LGALS2: variants seen among roughly 807,000 people sequenced by gnomAD.
The protein encoded by LGALS2 is galectin-2.
A neutral mutation model predicts 10.1 loss-of-function variants in LGALS2; 7 were observed. The observed-to-expected ratio is 0.70, with a 90% CI of 0.40 to 1.31. The LOEUF is 1.31. Ranked by LOEUF, LGALS2 falls within the 50% of genes most tolerant of loss-of-function variation. The pLI, the probability that LGALS2 is intolerant of heterozygous loss-of-function variation, is 0.01. For missense variants in LGALS2, 167 were observed against 163.6 expected, an observed-to-expected ratio of 1.02 and a Z score of -0.11; for synonymous variants, 86 against 64.2, an observed-to-expected ratio of 1.34 and a Z score of -1.63.
At chr22:37,575,727 T>G (rs983885772) in intron 1 of LGALS2, among the ~76,000 whole-genome samples, 1 of 152,056 alleles carries the variant, frequency 6.6e-6, no homozygotes, top group Non-Finnish European at 1.5e-5. Flanking sequence ...AGTGTTGGGA[T>G]TACAGGTGTA....
At chr22:37,576,880 C>A (rs1172909386) in intron 1 of LGALS2, among the ~76,000 whole-genome samples, 1 of 151,868 alleles carries the variant, frequency 6.6e-6, no homozygotes, top group African/African-American at 2.4e-5. Flanking sequence ...AATAGGGATG[C>A]TGAGAGCTGC....
chr22:37,570,622 T>G lies in LGALS2; in HGVS notation c.203A>C (p.Glu68Ala). ...NSLDGSNWGQ[E>A]QREDHLCFSP... Reference sequence around the variant, plus strand: ...GAAGCACAGGTGATCTTCCCGTTGTTCTTGCCCCCAGTTGCTGCCGTCCAA... The same window carrying G: ...GAAGCACAGGTGATCTTCCCGTTGTGCTTGCCCCCAGTTGCTGCCGTCCAA... The change falls in exon 3 of 4, where the codon GAA (glutamate) becomes GCA (alanine). Residue 68 changes from glutamate to alanine, a missense_variant. Glu to Ala is a moderately radical substitution (Grantham distance 107). Transcript: ENST00000215886. 1 of 1,614,242 alleles carries G rather than the reference T, an allele frequency of 6.2e-7. No individual in the cohort carries two copies. Among genetic ancestry groups the G allele is most frequent in the South Asian group, 1.1e-5 (1 of 91,090 alleles).
chr22:37,576,383 C>T (rs1006705757), intron 1 of LGALS2, among the ~76,000 whole-genome samples: 5 of 145,350 alleles, frequency 3.4e-5, no homozygotes, highest in South Asian at 4.3e-4. Flanking sequence ...ACCCGGGAGG[C>T]GGTGCTTGCA....
intron 1 of LGALS2, among the ~76,000 whole-genome samples, chr22:37,576,451 CAAAAAAAAA>C (rs55951617): frequency 1.2e-3 from 128 of 108,272 alleles, no homozygotes; most frequent in Middle Eastern, 4.6e-3. Context: ...GACTCCGTCT[CAAAAAAAAA>C]AAAAAAAAAA....
At chr22:37,577,258 G>A (rs186995905) in intron 1 of LGALS2, among the ~76,000 whole-genome samples, 10 of 152,114 alleles carry the variant, frequency 6.6e-5, no homozygotes, top group Admixed American at 5.2e-4. Flanking sequence ...ACCCTTCCAC[G>A]CAGGACCCCT....
At chr22:37,574,420 G>T (rs1342795969) in intron 1 of LGALS2, among the ~76,000 whole-genome samples, 1 of 150,976 alleles carries the variant, frequency 6.6e-6, no homozygotes, top group Admixed American at 6.6e-5. Flanking sequence ...GGAGGCTGAG[G>T]CAAGAGAATC....
intron 1 of LGALS2, among the ~76,000 whole-genome samples, chr22:37,573,729 TG>T (rs1370535828): frequency 4.3e-5 from 4 of 93,022 alleles, no homozygotes; most frequent in Admixed American, 2.1e-4. Flanking sequence ...TTTCTTTTTT[TG>T]TTTTTTTTTT....
intron 2 of LGALS2, among the ~76,000 whole-genome samples, chr22:37,571,297 C>T (rs985710273): frequency 7.2e-5 from 11 of 152,168 alleles, no homozygotes; most frequent in African/African-American, 2.4e-4. Context: ...TGCACCTGCC[C>T]GCCCCCTCTC....
chr22:37,575,445 G>A (rs983943197), intron 1 of LGALS2, among the ~76,000 whole-genome samples: 10 of 151,788 alleles, frequency 6.6e-5, no homozygotes, highest in Admixed American at 6.6e-4. Flanking sequence ...TGACCCTCAA[G>A]TGGTCCTCCT....
intron 1 of LGALS2, among the ~76,000 whole-genome samples, chr22:37,579,122 C>CCTGTAAT: frequency 6.7e-6 from 1 of 148,906 alleles, no homozygotes; most frequent in African/African-American, 2.5e-5. Flanking sequence ...GTGACACATA[C>CCTGTAAT]CTGTAATCCC....
In LGALS2 at chr22:37,570,846, T is replaced by C. The variant is rs55907306; in HGVS notation, c.90-111A>G. The stretch of plus-strand genomic sequence containing the variant: ...CTGGAAGAATCAAAGCTTGTGTTAG[T>C]TGAGATCTGTGCCTTAAAACAAGGG... On this transcript the variant is annotated intron_variant, in intron 2 of 3. Coordinates refer to ENST00000215886, the MANE Select transcript of LGALS2 (RefSeq NM_006498.3). 4.5e-3 allele frequency: 5,462 copies of C among 1,212,752 alleles called. 18 individuals carry two copies. Among genetic ancestry groups the C allele is most frequent in the Non-Finnish European group, 5.8e-3 (4,839 of 830,764 alleles). The allele number at this position is 1,212,752 out of a possible 1,614,324, so 75.1% of individuals were successfully genotyped here. A position where few individuals can be genotyped will look rare whatever the true frequency, so the allele number is the denominator to read the frequency against.
intron 1 of LGALS2, among the ~76,000 whole-genome samples, chr22:37,576,406 G>C (rs1214234640): frequency 3.4e-5 from 5 of 148,918 alleles, no homozygotes; most frequent in Non-Finnish European, 5.9e-5. Flanking sequence ...GAGCCAAGAT[G>C]GCGCCACTGC....
chr22:37,576,178 G>A (rs1236755545), intron 1 of LGALS2, among the ~76,000 whole-genome samples: 1 of 152,004 alleles, frequency 6.6e-6, no homozygotes, highest in East Asian at 1.9e-4. Flanking sequence ...GCTGGCCAGG[G>A]GCGGTGGCTC....
At chr22:37,579,772 T>G in intron 1 of LGALS2, 128 bp downstream of exon 1, 1 of 987,554 alleles carries the variant, frequency 1.0e-6, no homozygotes, top group Non-Finnish European at 1.5e-6. Context: ...CTGTCCAACT[T>G]CTTTGCTGCA....
chr22:37,572,110 C>A (rs1259567674), intron 1 of LGALS2, among the ~76,000 whole-genome samples, 179 bp from the exon 2 acceptor site: 1 of 152,204 alleles, frequency 6.6e-6, no homozygotes, highest in African/African-American at 2.4e-5. Context: ...TGATCAAGGC[C>A]TCCCAGAGCT....
At chr22:37,572,923 A>G (rs984853620) in intron 1 of LGALS2, among the ~76,000 whole-genome samples, 3 of 151,264 alleles carry the variant, frequency 2.0e-5, no homozygotes, top group Non-Finnish European at 4.4e-5. Context: ...ATGAGCTGAG[A>G]TCGTACCATT....
intron 1 of LGALS2, among the ~76,000 whole-genome samples, chr22:37,575,751 G>A (rs547076770): frequency 4.6e-4 from 70 of 152,192 alleles, no homozygotes; most frequent in Non-Finnish European, 8.2e-4. Context: ...CACTGTGCCC[G>A]GCCTGGCAGT....
rs1041417034 is a variant in LGALS2 at position 37,576,610 on chromosome 22, C to T, written c.6+3290G>A. ...CAGACACTCACAGACGTGTGCCCTG[C>T]GCACACACACGTCTAACACCAAGCA... On this transcript the variant is annotated intron_variant, in intron 1 of 3. Transcript: ENST00000215886. Among the ~76,000 whole-genome samples the T allele has an allele frequency of 3.9e-5, 6 of 152,130 alleles. No individual in the cohort carries two copies. In the East Asian group the frequency reaches 7.7e-4, roughly 20 times the overall value.
intron 1 of LGALS2, among the ~76,000 whole-genome samples, chr22:37,572,872 G>T (rs2145819786): frequency 6.6e-6 from 1 of 151,854 alleles, no homozygotes; most frequent in South Asian, 2.1e-4. Flanking sequence ...TTGGGAGGCT[G>T]AGGCGGGAGA....
Sources: allele counts gnomAD v4.1 joint callset (sites outside exome capture counted in the v4.1 genomes callset), GRCh38; gene constraint gnomAD v4.1.1; transcripts MANE v1.5; gene names NCBI Gene and HGNC (gene_info 2026-07-23, HGNC 2026-07-21).